Variants in PCDH15 observed in about 807,000 individuals in gnomAD.
PCDH15 encodes protocadherin related 15, also known as protocadherin-15.
Under a neutral mutation model 178.5 loss-of-function variants are expected in PCDH15, and 129 were observed. The ratio of observed to expected loss-of-function variants is 0.72; its 90% confidence interval spans 0.63 to 0.84. The LOEUF is 0.84. Among genes scored for constraint, PCDH15 ranks in the 40% least tolerant of loss-of-function variants. PCDH15 has a pLI of 0.00. For missense variants in PCDH15, 2,230 were observed against 2,099.9 expected, an observed-to-expected ratio of 1.06 and a Z score of -1.21; for synonymous variants, 800 against 732.0, an observed-to-expected ratio of 1.09 and a Z score of -1.50.
chr10:54,147,034 T>C (rs2044049589), intron 14 of PCDH15, among the ~76,000 whole-genome samples: 2 of 128,002 alleles, frequency 1.6e-5, no homozygotes, highest in African/African-American at 6.4e-5. Flanking sequence ...TATACAAATA[T>C]ATAATATATA....
chr10:55,394,232 T>TC (rs397810519), intron 2 of PCDH15, among the ~76,000 whole-genome samples: 1 of 151,736 alleles, frequency 6.6e-6, no homozygotes, highest in African/African-American at 2.4e-5. Flanking sequence ...TATTTTTTTT[T>TC]ATGTTACTAC....
chr10:54,983,387 GA>G (rs1240852751), intron 2 of PCDH15, among the ~76,000 whole-genome samples: 1 of 151,880 alleles, frequency 6.6e-6, no homozygotes, highest in East Asian at 1.9e-4. Flanking sequence ...ACCTTGTCAT[GA>G]AAAAAAATTT....
At chr10:55,318,857 T>G (rs546028867) in intron 1 of PCDH15, among the ~76,000 whole-genome samples, 2 of 152,270 alleles carry the variant, frequency 1.3e-5, no homozygotes, top group Admixed American at 1.3e-4. Context: ...TTTTTCAAAC[T>G]GGAATTTTCT....
chr10:54,663,863 A>G (rs1185104127), intron 2 of PCDH15, among the ~76,000 whole-genome samples: 3 of 151,880 alleles, frequency 2.0e-5, no homozygotes, highest in Non-Finnish European at 2.9e-5. Flanking sequence ...AGGTTAGTAA[A>G]TACAATTTAA....
Position 54,674,941 on chromosome 10 carries a change from G to T in PCDH15, c.-28-10651C>A, listed in dbSNP as rs1002769112. Among the ~76,000 whole-genome samples the T allele has an allele frequency of 6.6e-4, 101 of 152,094 alleles. 1 individual carries two copies. Among genetic ancestry groups the T allele is most frequent in the African/African-American group, 2.4e-3 (99 of 41,540 alleles). On this transcript the variant is annotated intron_variant, in intron 1 of 37. Transcript: ENST00000644397. The stretch of plus-strand genomic sequence containing the variant: ...GGGGCAAATAAAATTTGAATAAGTT[G>T]TCTTACTCACAAAGACTATGCTTCA...
rs566758282 is a variant in PCDH15, at chr10:54,746,747, T to C, written c.-29+54178A>G. 3.3e-5 allele frequency among the ~76,000 whole-genome samples: 5 copies of C among 152,300 alleles called. No individual in the cohort carries two copies. In the South Asian group the frequency reaches 6.2e-4, roughly 19 times the overall value. ...AGGACCACTCTAAAGTTTGATGATATACATATTCACAACTATGGTTTATTA... is the reference window on the plus strand; with the variant it reads ...AGGACCACTCTAAAGTTTGATGATACACATATTCACAACTATGGTTTATTA... On this transcript the variant is annotated intron_variant, in intron 1 of 37. Transcript: ENST00000644397.
intron 3 of PCDH15, among the ~76,000 whole-genome samples, chr10:54,415,246 G>C (rs1404149060): frequency 6.6e-6 from 1 of 151,846 alleles, no homozygotes; most frequent in Non-Finnish European, 1.5e-5. Flanking sequence ...ATCCACAAAA[G>C]GGGTTCAAAC....
chr10:53,838,254 C>T (rs749286746), intron 29 of PCDH15, among the ~76,000 whole-genome samples: 2 of 152,010 alleles, frequency 1.3e-5, no homozygotes, highest in African/African-American at 2.4e-5. Context: ...GGATTACAGG[C>T]GTGAGCTACC....
intron 1 of PCDH15, among the ~76,000 whole-genome samples, chr10:54,709,745 A>C (rs1217841567): frequency 1.3e-5 from 2 of 148,352 alleles, no homozygotes; most frequent in Admixed American, 1.4e-4. Flanking sequence ...ATATTCATAA[A>C]TATATGTGCA....
At chr10:55,304,265 G>C (rs1338594026) in intron 1 of PCDH15, among the ~76,000 whole-genome samples, 1 of 152,030 alleles carries the variant, frequency 6.6e-6, no homozygotes, top group Non-Finnish European at 1.5e-5. Context: ...AGGTTTTTGG[G>C]AGGTTTTCCT....
intron 2 of PCDH15, among the ~76,000 whole-genome samples, chr10:55,358,857 T>A (rs1029965135): frequency 6.6e-6 from 1 of 152,112 alleles, no homozygotes; most frequent in African/African-American, 2.4e-5. Context: ...GTGTCATTTT[T>A]AGGAAAAATA....
At chr10:54,462,680 A>ATTTTTTT (rs767750465) in intron 3 of PCDH15, among the ~76,000 whole-genome samples, 1 of 56,240 alleles carries the variant, frequency 1.8e-5, no homozygotes, top group African/African-American at 8.9e-5. Context: ...CACCTGCTTA[A>ATTTTTTT]TTTTTTTTTT....
At chr10:54,564,542 A>G (rs890972614) in intron 2 of PCDH15, among the ~76,000 whole-genome samples, 18 of 152,264 alleles carry the variant, frequency 1.2e-4, no homozygotes, top group African/African-American at 4.3e-4. Context: ...ATTTTAGAAA[A>G]ATCTATAATC....
intron 28 of PCDH15, among the ~76,000 whole-genome samples, chr10:53,851,869 A>T (rs2078401710): frequency 6.6e-6 from 1 of 151,512 alleles, no homozygotes; most frequent in South Asian, 2.1e-4. Context: ...TTCAGGTGCT[A>T]CATAAATATT....
At chr10:54,750,364 T>C (rs921494057) in intron 1 of PCDH15, among the ~76,000 whole-genome samples, 2 of 152,084 alleles carry the variant, frequency 1.3e-5, no homozygotes, top group African/African-American at 4.8e-5. Context: ...CCCACAGCTA[T>C]AGTCATTCCT....
At chr10:54,995,391 C>CAAAA (rs10631856) in intron 2 of PCDH15, among the ~76,000 whole-genome samples, 26,606 of 125,264 alleles carry the variant, frequency 0.21, 3,037 homozygotes, top group African/African-American at 0.29. Context: ...GACTCCGTCT[C>CAAAA]AAAAAAAAAA....
intron 5 of PCDH15, among the ~76,000 whole-genome samples, chr10:54,364,018 G>A (rs1354676631): frequency 6.6e-6 from 1 of 151,920 alleles, no homozygotes; most frequent in Non-Finnish European, 1.5e-5. Context: ...TTCGAGACCA[G>A]CCTGACCAAC....
At chr10:53,825,018 A>G (rs867216746) in intron 32 of PCDH15, 1 of 1,255,526 alleles carries the variant, frequency 8.0e-7, no homozygotes, top group Non-Finnish European at 1.0e-6. Context: ...TTTTAACAGT[A>G]AGTGAGTCTG....
chr10:54,358,953 T>G (rs909312600), intron 5 of PCDH15, among the ~76,000 whole-genome samples: 1 of 141,404 alleles, frequency 7.1e-6, no homozygotes, highest in Non-Finnish European at 1.5e-5. Context: ...TAGGTGGGAA[T>G]TGAACAATGA....
Sources: allele counts gnomAD v4.1 joint callset (sites outside exome capture counted in the v4.1 genomes callset), GRCh38; gene constraint gnomAD v4.1.1; transcripts MANE v1.5; gene names NCBI Gene and HGNC (gene_info 2026-07-23, HGNC 2026-07-21).